Variants in MBOAT1 observed in about 807,000 individuals in gnomAD.
MBOAT1 encodes the protein membrane-bound glycerophospholipid O-acyltransferase 1.
In MBOAT1, 67 loss-of-function variants were observed where a neutral mutation model predicts 64.4. That is an observed-to-expected ratio of 1.04 (90% CI 0.85 to 1.27). The LOEUF is 1.27. MBOAT1 is among the 50% of genes most tolerant of loss of function. The pLI is 0.00. For missense variants in MBOAT1, 563 were observed against 604.6 expected, an observed-to-expected ratio of 0.93 and a Z score of 0.72; for synonymous variants, 229 against 218.9, an observed-to-expected ratio of 1.05 and a Z score of -0.41.
At chr6:20,203,907 T>G (rs1428266736) in intron 1 of MBOAT1, among the ~76,000 whole-genome samples, 1 of 152,168 alleles carries the variant, frequency 6.6e-6, no homozygotes, top group African/African-American at 2.4e-5. Flanking sequence ...ATAAGGAAAG[T>G]AACTTTGCTT....
chr6:20,142,744 C>T (rs541373939), intron 4 of MBOAT1, among the ~76,000 whole-genome samples: 1 of 152,330 alleles, frequency 6.6e-6, no homozygotes, highest in South Asian at 2.1e-4. Flanking sequence ...GCCACTACGC[C>T]CATCCTGCAT....
chr6:20,105,913 A>G (rs1188622699), intron 12 of MBOAT1, among the ~76,000 whole-genome samples: 4 of 152,378 alleles, frequency 2.6e-5, no homozygotes, highest in Admixed American at 2.6e-4. Context: ...CTTTCATAAT[A>G]TATTTAAGTA....
chr6:20,126,723 T>C (rs772307295), intron 6 of MBOAT1, 23 bp from the exon 7 acceptor site: 7 of 1,551,008 alleles, frequency 4.5e-6, no homozygotes, highest in South Asian at 2.3e-5. Context: ...AGTAAATAAA[T>C]TGAAAAGTCT....
chr6:20,168,988 C>T (rs1156857755), intron 1 of MBOAT1, among the ~76,000 whole-genome samples: 4 of 151,906 alleles, frequency 2.6e-5, no homozygotes, highest in African/African-American at 9.7e-5. Context: ...TCCCAAGTAA[C>T]ATCTTTTCCC....
At chr6:20,102,706 C>T (rs559575452) in intron 12 of MBOAT1, among the ~76,000 whole-genome samples, 2 of 152,234 alleles carry the variant, frequency 1.3e-5, no homozygotes, top group East Asian at 3.9e-4. Context: ...ATTAACCCCA[C>T]GACAGCCAGA....
At chr6:20,184,569 G>A (rs774995860) in intron 1 of MBOAT1, among the ~76,000 whole-genome samples, 5 of 152,046 alleles carry the variant, frequency 3.3e-5, no homozygotes, top group Non-Finnish European at 5.9e-5. Flanking sequence ...AAATTTTGTG[G>A]TGAGCAGTTA....
At position 20,212,172 on chromosome 6, in the gene MBOAT1, G is replaced by A. The variant is rs763597150; in HGVS notation, c.63C>T (p.His21=). Residue 21 remains histidine (H), a synonymous_variant, in exon 1 of 13, where the codon CAC becomes CAT. Coordinates refer to ENST00000324607, the MANE Select transcript of MBOAT1 (RefSeq NM_001080480.3). ...SYRTTGSTYL[H]PLSELLGIPL... Reference sequence around the variant, plus strand: ...GGATGCCCAGGAGCTCGCTGAGCGGGTGCAGGTAGGTGGAGCCCGTGGTGC... The same window carrying A: ...GGATGCCCAGGAGCTCGCTGAGCGGATGCAGGTAGGTGGAGCCCGTGGTGC... The A allele has an allele frequency of 1.3e-5, 21 of 1,613,572 alleles. No homozygotes were observed. The South Asian group carries it at 2.3e-4, about 18-fold the overall frequency.
At chr6:20,137,163 A>T (rs993985618) in intron 4 of MBOAT1, among the ~76,000 whole-genome samples, 1 of 152,200 alleles carries the variant, frequency 6.6e-6, no homozygotes, top group African/African-American at 2.4e-5. Context: ...TTTGAAATTG[A>T]TGGTGAAACT....
chr6:20,178,462 G>A (rs1714336357), intron 1 of MBOAT1, among the ~76,000 whole-genome samples: 1 of 152,120 alleles, frequency 6.6e-6, no homozygotes, highest in African/African-American at 2.4e-5. Flanking sequence ...AAAACATGTT[G>A]ATTCAATGAA....
At chr6:20,163,106 G>A (rs189946915) in intron 1 of MBOAT1, among the ~76,000 whole-genome samples, 5,589 of 152,240 alleles carry the variant, frequency 0.037, 140 homozygotes, top group Middle Eastern at 0.061. Context: ...AAACGATTGT[G>A]CTGTCTCTTT....
At chr6:20,193,604 CTTTT>C (rs367932037) in intron 1 of MBOAT1, among the ~76,000 whole-genome samples, 1 of 129,736 alleles carries the variant, frequency 7.7e-6, no homozygotes, top group African/African-American at 2.9e-5. Flanking sequence ...ACCAAAAATC[CTTTT>C]TTTTTTTTTT....
chr6:20,131,789 A>G (rs146495750), intron 4 of MBOAT1, among the ~76,000 whole-genome samples: 15 of 152,352 alleles, frequency 9.8e-5, no homozygotes, highest in Non-Finnish European at 2.2e-4. Flanking sequence ...AGAAGATCAC[A>G]TTAGACACTC....
chr6:20,146,993 T>C (rs1761344327), intron 3 of MBOAT1, among the ~76,000 whole-genome samples: 4 of 152,144 alleles, frequency 2.6e-5, no homozygotes, highest in Admixed American at 2.6e-4. Context: ...AATTGAATCA[T>C]GGGGGCGAGT....
intron 6 of MBOAT1, among the ~76,000 whole-genome samples, chr6:20,128,227 C>T (rs1672534831): frequency 6.6e-6 from 1 of 152,098 alleles, no homozygotes; most frequent in Admixed American, 6.6e-5. Flanking sequence ...CACCTGTAGC[C>T]CTCCTCCTGT....
At chr6:20,109,835 C>T in intron 11 of MBOAT1, 86 bp from the exon 12 acceptor site, 1 of 1,321,396 alleles carries the variant, frequency 7.6e-7, no homozygotes, top group Non-Finnish European at 1.0e-6. Context: ...TAGTATGCCA[C>T]AGGAACATGG....
At position 20,121,776 on chromosome 6, in the gene MBOAT1, T is replaced by C. The variant is rs191832212; in HGVS notation, c.907+2632A>G. On this transcript the variant is annotated intron_variant, in intron 8 of 12. Transcript: ENST00000324607. The stretch of plus-strand genomic sequence containing the variant: ...GGAAGGTGGGTGAGGCAGCAGAAGA[T>C]AGTAGGAGGGAATTAGATATATTCT... 2.1e-4 allele frequency among the ~76,000 whole-genome samples: 32 copies of C among 152,010 alleles called. No individual in the cohort carries two copies. The Middle Eastern group carries it at 0.01, about 48-fold the overall frequency.
chr6:20,211,559 C>T (rs1763419510), intron 1 of MBOAT1, among the ~76,000 whole-genome samples: 2 of 152,172 alleles, frequency 1.3e-5, no homozygotes, highest in Admixed American at 6.5e-5. Flanking sequence ...CTGTCCTACT[C>T]AGAAGCTCCA....
At chr6:20,132,666 C>T (rs529747180) in intron 4 of MBOAT1, among the ~76,000 whole-genome samples, 31 of 152,260 alleles carry the variant, frequency 2.0e-4, no homozygotes, top group Admixed American at 2.0e-3. Flanking sequence ...CTTCAGGTTA[C>T]GCACTGGTTT....
At chr6:20,160,785 A>C (rs113990268) in intron 1 of MBOAT1, among the ~76,000 whole-genome samples, 86 of 152,364 alleles carry the variant, frequency 5.6e-4, no homozygotes, top group African/African-American at 1.9e-3. Flanking sequence ...TGACTGTAGA[A>C]TACCCTTGAT....
Sources: allele counts gnomAD v4.1 joint callset (sites outside exome capture counted in the v4.1 genomes callset), GRCh38; gene constraint gnomAD v4.1.1; transcripts MANE v1.5; gene names NCBI Gene and HGNC (gene_info 2026-07-23, HGNC 2026-07-21).